The following AIMP2 variants were observed in gnomAD, a reference collection of about 807,000 sequenced individuals.
The protein encoded by AIMP2 is aminoacyl tRNA synthase complex-interacting multifunctional protein 2.
A neutral mutation model predicts 23.4 loss-of-function variants in AIMP2; 20 were observed. The ratio of observed to expected loss-of-function variants is 0.85; its 90% CI spans 0.60 to 1.24. The LOEUF is 1.24. Ranked by LOEUF, AIMP2 falls within the 50% of genes most tolerant of loss-of-function variation. AIMP2 has a pLI of 0.00. For missense variants in AIMP2, 515 were observed against 414.5 expected (o/e 1.24, Z -2.10); for synonymous variants, 210 against 170.4 (o/e 1.23, Z -1.81).
intron 2 of AIMP2, among the ~76,000 whole-genome samples, chr7:6,016,661 G>T (rs1230542199): frequency 1.3e-5 from 2 of 152,118 alleles, no homozygotes; most frequent in African/African-American, 4.8e-5. Context: ...TGCTCAAGAT[G>T]AATTTTGATA....
chr7:6,022,899 A>C (rs937481701), intron 3 of AIMP2: 4 of 183,742 alleles, frequency 2.2e-5, no homozygotes, highest in Non-Finnish European at 3.4e-5. Context: ...TATGGAGATA[A>C]GCGAGTTCAT....
chr7:6,014,861 A>T (rs895416054), intron 1 of AIMP2: 1 of 379,534 alleles, frequency 2.6e-6, no homozygotes, highest in African/African-American at 2.1e-5. Flanking sequence ...CTGGGATTAC[A>T]GTTGCGTGCC....
intron 1 of AIMP2, among the ~76,000 whole-genome samples, chr7:6,009,974 A>AAAAAATACATATATATATAT: frequency 3.8e-5 from 1 of 26,662 alleles, no homozygotes; most frequent in Non-Finnish European, 6.8e-5. Context: ...AAAAAAAAAA[A>AAAAAATACATATATATATAT]ATATATATAT....
intron 1 of AIMP2, among the ~76,000 whole-genome samples, chr7:6,011,787 G>T (rs561886840): frequency 5.8e-4 from 89 of 152,304 alleles, no homozygotes; most frequent in Non-Finnish European, 1.1e-3. Context: ...AGACAATCCA[G>T]GTTGGAGAAT....
At chr7:6,012,102 A>G (rs1422764053) in intron 1 of AIMP2, among the ~76,000 whole-genome samples, 1 of 152,068 alleles carries the variant, frequency 6.6e-6, no homozygotes, top group Non-Finnish European at 1.5e-5. Context: ...AAAGTACAAA[A>G]CTTAGCCAGG....
intron 1 of AIMP2, 41 bp from the exon 2 acceptor site, chr7:6,015,105 G>A: frequency 6.2e-7 from 1 of 1,613,378 alleles, no homozygotes; most frequent in Non-Finnish European, 8.5e-7. Context: ...ACACTGGTCT[G>A]ATGGGAGAGG....
At chr7:6,009,974 A>ATATATAT (rs1554310935) in intron 1 of AIMP2, among the ~76,000 whole-genome samples, 1 of 26,674 alleles carries the variant, frequency 3.7e-5, no homozygotes, top group African/African-American at 1.4e-4. Flanking sequence ...AAAAAAAAAA[A>ATATATAT]ATATATATAT....
In AIMP2 at chr7:6,017,819, C is replaced by CG; in HGVS notation, c.352dup (p.Ala118GlyfsTer27). 6.2e-7 allele frequency: 1 copy of CG among 1,612,996 alleles called. No homozygotes were observed. The highest frequency in any genetic ancestry group is 8.5e-7 in the Non-Finnish European group (1 of 1,179,336). On this transcript the variant is annotated frameshift_variant, in exon 3 of 4. Coordinates refer to ENST00000223029, the MANE Select transcript of AIMP2 (RefSeq NM_006303.4). LOFTEE classifies it high-confidence loss of function. ...TTGTCTTGGTCTTTCCCCAGGATTACGGGGCGCTGAAAGACATCGTGATCA... is the reference window on the plus strand; with the variant it reads ...TTGTCTTGGTCTTTCCCCAGGATTACGGGGGCGCTGAAAGACATCGTGATCA...
Position 6,015,267 on chromosome 7 carries a change from A to G in AIMP2, c.257A>G (p.Asp86Gly). ...LSKMIQTPDA[D>G]LDVTNIIQAD... ...AAGATGATTCAAACACCAGATGCAG[A>G]CTTGGATGTAACCAACATAATCCAA... Residue 86 changes from aspartate (D) to glycine (G), a missense_variant, in exon 2 of 4, where the codon GAC becomes GGC. Transcript: ENST00000223029. 1 of 1,614,218 alleles carries G rather than the reference A, an allele frequency of 6.2e-7. No homozygotes were observed. The highest frequency in any genetic ancestry group is 8.5e-7 in the Non-Finnish European group (1 of 1,180,042).
At chr7:6,012,655 T>C in intron 1 of AIMP2, 1 of 357,860 alleles carries the variant, frequency 2.8e-6, no homozygotes, top group Non-Finnish European at 6.0e-6. Flanking sequence ...TCTCCCGGGT[T>C]CAAGCAATTT....
Position 6,023,459 on chromosome 7 carries a change from T to G in AIMP2, c.731T>G (p.Leu244Ter). 2 of 1,614,122 alleles carry G rather than the reference T, an allele frequency of 1.2e-6. No individual in the cohort carries two copies. Among genetic ancestry groups the G allele is most frequent in the Non-Finnish European group, 1.7e-6 (2 of 1,179,964 alleles). Residue 244 changes from leucine (L) to a stop codon, truncating the protein, a stop_gained, in exon 4 of 4, where the codon TTA becomes TGA. Coordinates refer to ENST00000223029, the MANE Select transcript of AIMP2 (RefSeq NM_006303.4). LOFTEE classifies it high-confidence loss of function. ...DSWVDIAIFQ[L>*]KEGSSKEKAA... ...TGGGTAGATATTGCGATTTTTCAGT[T>G]AAAAGAGGGAAGCAGTAAAGAAAAA...
At chr7:6,014,705 GTCT>G (rs1786906078) in intron 1 of AIMP2, among the ~76,000 whole-genome samples, 2 of 151,820 alleles carry the variant, frequency 1.3e-5, no homozygotes, top group South Asian at 2.1e-4. Context: ...ATCCCATAAT[GTCT>G]TCTTTTATTT....
intron 1 of AIMP2, among the ~76,000 whole-genome samples, chr7:6,013,416 A>G (rs1046829071): frequency 2.3e-5 from 3 of 130,504 alleles, no homozygotes; most frequent in African/African-American, 7.7e-5. Context: ...CACCCACACC[A>G]CACCTGGCTA....
intron 1 of AIMP2, chr7:6,012,700 C>T (rs1786767028): frequency 4.3e-6 from 2 of 459,812 alleles, no homozygotes; most frequent in African/African-American, 2.0e-5. Flanking sequence ...GCTGGGATTA[C>T]AGGTGCCCCC....
rs957421795 is a variant in AIMP2 at position 6,017,837 on chromosome 7, C to A, written c.366C>A (p.Ile122=). ...AGGATTACGGGGCGCTGAAAGACAT[C>A]GTGATCAACGCAAACCCGGCCTCCC... is the stretch of plus-strand genomic sequence containing the variant. ...LGKDYGALKD[I]VINANPASPP... The change falls in exon 3 of 4, where the codon ATC becomes ATA. Residue 122 remains isoleucine, a synonymous_variant. Transcript: ENST00000223029. 2 of 1,613,764 alleles carry A rather than the reference C, an allele frequency of 1.2e-6. No individual in the cohort carries two copies. The highest frequency in any genetic ancestry group is 1.7e-5 in the Admixed American group (1 of 59,946).
intron 1 of AIMP2, 74 bp from the exon 2 acceptor site, chr7:6,015,072 A>G: frequency 1.9e-6 from 3 of 1,605,738 alleles, no homozygotes; most frequent in Non-Finnish European, 2.6e-6. Context: ...TGGCAAAGTA[A>G]GACAAGTGAT....
At chr7:6,009,700 C>T (rs1158938169) in intron 1 of AIMP2, among the ~76,000 whole-genome samples, 3 of 151,868 alleles carry the variant, frequency 2.0e-5, no homozygotes, top group Admixed American at 6.6e-5. Context: ...CCTGTAATCC[C>T]AGCACTTTGG....
chr7:6,021,302 G>C (rs1787392568), intron 3 of AIMP2, among the ~76,000 whole-genome samples: 1 of 134,314 alleles, frequency 7.4e-6, no homozygotes, highest in Non-Finnish European at 1.5e-5. Flanking sequence ...TCGCGCCACT[G>C]CACTCCAGCC....
At chr7:6,021,969 T>C (rs1353988979) in intron 3 of AIMP2, among the ~76,000 whole-genome samples, 1 of 152,126 alleles carries the variant, frequency 6.6e-6, no homozygotes, top group Admixed American at 6.6e-5. Flanking sequence ...CTCCTCCACC[T>C]CTTCCACCCA....
Sources: allele counts gnomAD v4.1 joint callset (sites outside exome capture counted in the v4.1 genomes callset), GRCh38; gene constraint gnomAD v4.1.1; transcripts MANE v1.5; gene names NCBI Gene and HGNC (gene_info 2026-07-23, HGNC 2026-07-21).